GRM5: variants seen among roughly 807,000 people sequenced by gnomAD.
GRM5 encodes metabotropic glutamate receptor 5.
GRM5 carries 19 observed loss-of-function variants against 83.1 expected under a neutral mutation model. The observed-to-expected ratio is 0.23, with a 90% CI of 0.16 to 0.34. The LOEUF is 0.34. Among genes scored for constraint, GRM5 ranks in the 10% least tolerant of loss-of-function variants. The pLI is 1.00. For synonymous variants in GRM5, 675 were observed against 633.6 expected (o/e 1.07, Z -0.98); for missense variants, 1,160 against 1,588.3 (o/e 0.73, Z 4.58).
chr11:88,660,647 A>G (rs1431421301), intron 3 of GRM5, among the ~76,000 whole-genome samples: 8 of 152,228 alleles, frequency 5.3e-5, no homozygotes, highest in Admixed American at 5.2e-4. Flanking sequence ...CTAGGGCCAC[A>G]CAGTTATTCT....
intron 5 of GRM5, among the ~76,000 whole-genome samples, chr11:88,601,134 G>A (rs1489247470): frequency 1.3e-5 from 2 of 152,122 alleles, no homozygotes; most frequent in Admixed American, 1.3e-4. Context: ...GTATGTCCTT[G>A]CCCTGTTATT....
At chr11:88,993,072 C>G (rs1237126123) in intron 2 of GRM5, among the ~76,000 whole-genome samples, 1 of 150,200 alleles carries the variant, frequency 6.7e-6, no homozygotes, top group African/African-American at 2.4e-5. Context: ...AAAGATCATC[C>G]TATCTAACAT....
At chr11:88,830,464 T>G (rs1244864441) in intron 3 of GRM5, among the ~76,000 whole-genome samples, 4 of 152,104 alleles carry the variant, frequency 2.6e-5, no homozygotes, top group Admixed American at 6.5e-5. Flanking sequence ...ATGTATTGCC[T>G]TAGAAAGAAT....
intron 8 of GRM5, among the ~76,000 whole-genome samples, chr11:88,544,061 ACTCT>A (rs144066431): frequency 1.3e-5 from 2 of 148,924 alleles, no homozygotes; most frequent in Non-Finnish European, 3.0e-5. Context: ...ATTTGCTCTC[ACTCT>A]CTCTCTCTCT....
chr11:88,756,122 T>A (rs1291142402), intron 3 of GRM5, among the ~76,000 whole-genome samples: 1 of 152,190 alleles, frequency 6.6e-6, no homozygotes, highest in African/African-American at 2.4e-5. Flanking sequence ...CCAATAGACA[T>A]GGAAACAGCC....
intron 4 of GRM5, among the ~76,000 whole-genome samples, chr11:88,628,727 C>T (rs934978839): frequency 2.0e-5 from 3 of 152,158 alleles, no homozygotes; most frequent in Non-Finnish European, 4.4e-5. Flanking sequence ...TTAACAGTAG[C>T]TGCTATGACA....
chr11:88,990,346 G>C (rs1281853750), intron 2 of GRM5, among the ~76,000 whole-genome samples: 3 of 151,778 alleles, frequency 2.0e-5, no homozygotes, highest in African/African-American at 7.3e-5. Context: ...CCAATAACAG[G>C]ATCTGAAATT....
chr11:88,666,990 G>C (rs1940060918), intron 3 of GRM5, among the ~76,000 whole-genome samples: 1 of 152,108 alleles, frequency 6.6e-6, no homozygotes, highest in South Asian at 2.1e-4. Context: ...AGAATCAATA[G>C]AGTGAATTTA....
At chr11:88,927,350 C>T (rs1945807217) in intron 2 of GRM5, among the ~76,000 whole-genome samples, 1 of 152,104 alleles carries the variant, frequency 6.6e-6, no homozygotes, top group East Asian at 1.9e-4. Flanking sequence ...ATTCTTTTGA[C>T]TGTTTGGCAT....
chr11:88,749,140 C>T lies in GRM5; in HGVS notation c.912-95737G>A, dbSNP rs954578464. Among the ~76,000 whole-genome samples the T allele has an allele frequency of 1.1e-4, 17 of 152,160 alleles. 1 individual carries two copies. Among genetic ancestry groups the T allele is most frequent in the Middle Eastern group, 3.4e-3 (1 of 294 alleles). On this transcript the variant is annotated intron_variant, in intron 3 of 9. Transcript: ENST00000305447. ...GTAGGCTTCAAAAGGTGGGTAATAACGAACTTCACTGAACTAAAGGAGCAT... is the reference window on the plus strand; with the variant it reads ...GTAGGCTTCAAAAGGTGGGTAATAATGAACTTCACTGAACTAAAGGAGCAT...
chr11:88,533,848 C>T (rs1036329307), intron 8 of GRM5, among the ~76,000 whole-genome samples: 8 of 152,096 alleles, frequency 5.3e-5, no homozygotes, highest in African/African-American at 1.7e-4. Context: ...AAAGTGGTTT[C>T]GTGGGCCAGG....
intron 4 of GRM5, among the ~76,000 whole-genome samples, chr11:88,632,062 T>G (rs998498864): frequency 6.6e-6 from 1 of 152,086 alleles, no homozygotes; most frequent in East Asian, 1.9e-4. Flanking sequence ...ACATGTATAC[T>G]CTCATGAAAC....
chr11:88,986,623 G>A (rs768973788), intron 2 of GRM5, among the ~76,000 whole-genome samples: 11 of 151,512 alleles, frequency 7.3e-5, no homozygotes, highest in Non-Finnish European at 1.5e-4. Flanking sequence ...TATGTGGTTT[G>A]CAAATATCCT....
intron 3 of GRM5, among the ~76,000 whole-genome samples, chr11:88,844,677 G>C (rs1330767038): frequency 1.3e-5 from 2 of 152,168 alleles, no homozygotes; most frequent in Non-Finnish European, 2.9e-5. Context: ...CACCATTCTA[G>C]GTGTCATTAA....
At chr11:88,522,264 A>C (rs947709953) in intron 9 of GRM5, among the ~76,000 whole-genome samples, 1 of 152,160 alleles carries the variant, frequency 6.6e-6, no homozygotes, top group African/African-American at 2.4e-5. Flanking sequence ...CATAGAGTTA[A>C]CCTTTCTTCA....
chr11:88,542,844 G>A (rs894736879), intron 8 of GRM5, among the ~76,000 whole-genome samples: 2 of 152,146 alleles, frequency 1.3e-5, no homozygotes, highest in Non-Finnish European at 2.9e-5. Context: ...AGAGGCTGGT[G>A]GATCACCTGA....
intron 2 of GRM5, among the ~76,000 whole-genome samples, chr11:88,904,060 A>T (rs1945363528): frequency 6.6e-6 from 1 of 152,160 alleles, no homozygotes; most frequent in African/African-American, 2.4e-5. Flanking sequence ...CTCGAGATAG[A>T]TTCAGATAAG....
intron 2 of GRM5, among the ~76,000 whole-genome samples, chr11:89,029,606 T>A (rs1179766318): frequency 6.6e-6 from 1 of 152,202 alleles, no homozygotes; most frequent in African/African-American, 2.4e-5. Context: ...TTGAGTTTAT[T>A]GAGGCTTTCT....
chr11:88,584,988 G>A (rs568749002), intron 7 of GRM5, among the ~76,000 whole-genome samples: 1 of 152,192 alleles, frequency 6.6e-6, no homozygotes, highest in Non-Finnish European at 1.5e-5. Flanking sequence ...AGTGCAGAAA[G>A]ACTTTATGTC....
Sources: allele counts gnomAD v4.1 joint callset (sites outside exome capture counted in the v4.1 genomes callset), GRCh38; gene constraint gnomAD v4.1.1; transcripts MANE v1.5; gene names NCBI Gene and HGNC (gene_info 2026-07-23, HGNC 2026-07-21).